BICD1: variants seen among roughly 807,000 people sequenced by gnomAD.
The protein encoded by BICD1 is BICD cargo adaptor 1.
In BICD1, 35 loss-of-function variants were observed where a neutral mutation model predicts 92.5. That is an observed-to-expected ratio of 0.38 (90% CI 0.29 to 0.50). BICD1 has a LOEUF of 0.50. BICD1 is among the 20% of genes least tolerant of loss of function. BICD1 has a pLI of 0.93. For missense variants in BICD1, 950 were observed against 1,189.8 expected (o/e 0.80, Z 2.97); for synonymous variants, 429 against 465.1 (o/e 0.92, Z 1.00).
chr12:32,364,326 A>G (rs1939447475), intron 8 of BICD1, among the ~76,000 whole-genome samples: 1 of 152,168 alleles, frequency 6.6e-6, no homozygotes, highest in Admixed American at 6.5e-5. Flanking sequence ...GGGTGAGCCT[A>G]GCAGAATAGA....
intron 2 of BICD1, among the ~76,000 whole-genome samples, chr12:32,278,423 A>G (rs868440594): frequency 1.1e-4 from 16 of 152,246 alleles, no homozygotes; most frequent in Middle Eastern, 3.2e-3. Flanking sequence ...GAAATGACCA[A>G]TGGTTCTTGA....
Position 32,313,540 on chromosome 12 carries a change from A to G in BICD1, c.1005+7418A>G, listed in dbSNP as rs747010443. ...CAAGTGAAATATTATCTCTGCTTAA[A>G]CACTCACAGAATATTTATAGGATGA... On this transcript the variant is annotated intron_variant, in intron 4 of 9. Transcript: ENST00000652176. The surrounding 1 kb of genome is among the most constrained non-coding windows in gnomAD (Gnocchi z 4.2). 6.6e-6 allele frequency among the ~76,000 whole-genome samples: 1 copy of G among 152,220 alleles called. No individual in the cohort carries two copies. Among genetic ancestry groups the G allele is most frequent in the Non-Finnish European group, 1.5e-5 (1 of 68,042 alleles).
At chr12:32,169,997 G>C (rs958823937) in intron 1 of BICD1, among the ~76,000 whole-genome samples, 2 of 152,226 alleles carry the variant, frequency 1.3e-5, no homozygotes, top group Non-Finnish European at 2.9e-5. Context: ...GTAGAGGCGA[G>C]AATGTGGAGT....
intron 1 of BICD1, among the ~76,000 whole-genome samples, chr12:32,175,465 C>A (rs1363139525): frequency 6.6e-6 from 1 of 152,014 alleles, no homozygotes; most frequent in African/African-American, 2.4e-5. Context: ...TACAGGTGCA[C>A]GCCACCAAGC....
intron 2 of BICD1, 90 bp from the exon 3 acceptor site, chr12:32,293,904 T>A: frequency 2.3e-6 from 3 of 1,333,318 alleles, no homozygotes; most frequent in Non-Finnish European, 3.0e-6. Flanking sequence ...ATGAGGTGTT[T>A]TTATTATTAT....
At position 32,107,241 on chromosome 12, in the gene BICD1, A is replaced by G; in HGVS notation, c.-91A>G. The G allele has an allele frequency of 3.3e-6, 4 of 1,210,324 alleles. No homozygotes were observed. Among genetic ancestry groups the G allele is most frequent in the Non-Finnish European group, 4.6e-6 (4 of 865,808 alleles). 75.0% of individuals were successfully genotyped at this position (1,210,324 alleles called of 1,614,324 possible). A position where few individuals can be genotyped will look rare whatever the true frequency, so the allele number is the denominator to read the frequency against. On this transcript the variant is annotated 5_prime_UTR_variant, in exon 1 of 10. Transcript: ENST00000652176. ...CGCACTTTCTTTTCCGTTTCCACCC[A>G]TCCCTTCCCATTTCCTTCTCCCTTT...
chr12:32,329,169 A>G (rs961982443), intron 5 of BICD1, among the ~76,000 whole-genome samples: 3 of 152,072 alleles, frequency 2.0e-5, no homozygotes, highest in Non-Finnish European at 4.4e-5. Flanking sequence ...CACTGGCGCC[A>G]TCTCTGCTCA....
chr12:32,345,296 A>G (rs1398523504), intron 8 of BICD1, among the ~76,000 whole-genome samples: 1 of 151,668 alleles, frequency 6.6e-6, no homozygotes, highest in Non-Finnish European at 1.5e-5. Context: ...AAAAAAGAAG[A>G]AAAAATATAT....
chr12:32,141,453 GCCCT>G (rs1160544425), intron 1 of BICD1, among the ~76,000 whole-genome samples: 1 of 151,944 alleles, frequency 6.6e-6, no homozygotes, highest in Non-Finnish European at 1.5e-5. Context: ...TGATTTAGAG[GCCCT>G]TCCTTTGGAC....
intron 5 of BICD1, among the ~76,000 whole-genome samples, chr12:32,331,883 G>C (rs1937888739): frequency 1.3e-5 from 2 of 152,148 alleles, no homozygotes; most frequent in South Asian, 4.1e-4. Context: ...GATGCTTATT[G>C]CCGTAAATAG....
chr12:32,255,814 TTGGCCAGCTG>T (rs1478343600), intron 2 of BICD1, among the ~76,000 whole-genome samples: 1 of 152,228 alleles, frequency 6.6e-6, no homozygotes, highest in Non-Finnish European at 1.5e-5. Flanking sequence ...AATTACTCCC[TTGGCCAGCTG>T]GCCTGTGCCA....
In BICD1 at chr12:32,163,567, C is replaced by G. The variant is rs145136847; in HGVS notation, c.214-52680C>G. On this transcript the variant is annotated intron_variant, in intron 1 of 9. Coordinates refer to ENST00000652176, the MANE Select transcript of BICD1 (RefSeq NM_001714.4). ...TGGTATCCTGCTTGTTCACTCAAGACTGTATTATGAGCATGTTTCTGTGCC... is the reference window on the plus strand; with the variant it reads ...TGGTATCCTGCTTGTTCACTCAAGAGTGTATTATGAGCATGTTTCTGTGCC... Among the ~76,000 whole-genome samples, 557 of 152,192 alleles carry G rather than the reference C, an allele frequency of 3.7e-3. 4 individuals are homozygous for G. Among genetic ancestry groups the G allele is most frequent in the African/African-American group, 0.013 (528 of 41,516 alleles).
At chr12:32,253,281 C>T (rs1442958740) in intron 2 of BICD1, among the ~76,000 whole-genome samples, 1 of 152,030 alleles carries the variant, frequency 6.6e-6, no homozygotes, top group Non-Finnish European at 1.5e-5. Flanking sequence ...ATTAATAATG[C>T]CAGGAATTAT....
chr12:32,332,711 C>A, intron 5 of BICD1: 1 of 392,994 alleles, frequency 2.5e-6, no homozygotes, highest in Non-Finnish European at 3.5e-6. Flanking sequence ...AGCAATTATA[C>A]CTTAGTTTGT....
intron 2 of BICD1, among the ~76,000 whole-genome samples, chr12:32,239,241 C>T (rs149179537): frequency 0.033 from 1,825 of 55,564 alleles, 40 homozygotes; most frequent in African/African-American, 0.1. Context: ...AGTCAGACTC[C>T]GTCTCAAAAA....
chr12:32,132,532 G>C (rs143876155), intron 1 of BICD1, among the ~76,000 whole-genome samples: 2 of 152,170 alleles, frequency 1.3e-5, no homozygotes, highest in African/African-American at 2.4e-5. Flanking sequence ...TGCACTGTGG[G>C]ACTGTGTGGC....
At chr12:32,155,275 T>A (rs183961186) in intron 1 of BICD1, among the ~76,000 whole-genome samples, 1 of 152,322 alleles carries the variant, frequency 6.6e-6, no homozygotes, top group Admixed American at 6.5e-5. Flanking sequence ...TTCAAACTGT[T>A]ACTGAAATGC....
intron 8 of BICD1, 139 bp from the exon 9 acceptor site, chr12:32,367,526 GAAAAA>G (rs374745164): frequency 3.9e-6 from 2 of 517,626 alleles, no homozygotes; most frequent in African/African-American, 4.1e-5. Context: ...CATTCAAGAA[GAAAAA>G]AAAAAAGCTG....
At chr12:32,132,574 T>C (rs1464364386) in intron 1 of BICD1, among the ~76,000 whole-genome samples, 1 of 152,124 alleles carries the variant, frequency 6.6e-6, no homozygotes, top group Admixed American at 6.6e-5. Flanking sequence ...CCCTAGTCAC[T>C]GTCATTACAA....
Sources: gnomAD v4.1 joint callset for allele counts (sites outside exome capture counted in the v4.1 genomes callset) on GRCh38, gnomAD v4.1.1 for gene constraint, Gnocchi (gnomAD v3.1) non-coding constraint, MANE v1.5 for transcripts, NCBI Gene and HGNC (gene_info 2026-07-23, HGNC 2026-07-21) for gene names.